Variants in DSCAM observed in about 807,000 individuals in gnomAD.
DSCAM encodes the protein cell adhesion molecule DSCAM.
In DSCAM, 47 loss-of-function variants were observed where a neutral mutation model predicts 217.7. The observed-to-expected ratio is 0.22, with a 90% CI of 0.17 to 0.28. The LOEUF is 0.28. Among genes scored for constraint, DSCAM ranks in the 10% least tolerant of loss-of-function variants. DSCAM has a pLI of 1.00. For missense variants in DSCAM, 2,080 were observed against 2,618.3 expected (o/e 0.79, Z 4.49); for synonymous variants, 1,056 against 1,015.3 (o/e 1.04, Z -0.76).
chr21:40,685,445 G>A lies in DSCAM; in HGVS notation c.508+7365C>T, dbSNP rs144552560. 2.9e-3 allele frequency among the ~76,000 whole-genome samples: 443 copies of A among 152,214 alleles called. 1 individual carries two copies. The highest frequency in any genetic ancestry group is 0.01 in the African/African-American group (418 of 41,532). On this transcript the variant is annotated intron_variant, in intron 3 of 32. Transcript: ENST00000400454. Reference sequence around the variant, plus strand: ...CTTTGGCACATACCAAACATACCAGGGTGCCTACGTGACCTGCCCCCAAAG... The same window carrying A: ...CTTTGGCACATACCAAACATACCAGAGTGCCTACGTGACCTGCCCCCAAAG...
chr21:40,577,337 C>T (rs1262322074), intron 3 of DSCAM, among the ~76,000 whole-genome samples: 1 of 151,656 alleles, frequency 6.6e-6, no homozygotes, highest in Admixed American at 6.6e-5. Flanking sequence ...TACCTGACCC[C>T]GGGGTGAGAA....
rs11088531 is a variant in DSCAM, at chr21:40,818,642, C to T, written c.43+27977G>A. On this transcript the variant is annotated intron_variant, in intron 1 of 32. Transcript: ENST00000400454. ...TGAGCATTTGCTCTTGGAAAGCCAACGTTAACTGAAGGTTTAGAAATCAAT... is the reference window on the plus strand; with the variant it reads ...TGAGCATTTGCTCTTGGAAAGCCAATGTTAACTGAAGGTTTAGAAATCAAT... Among the ~76,000 whole-genome samples, 225 of 143,738 alleles carry T rather than the reference C, an allele frequency of 1.6e-3. 4 individuals carry two copies. The East Asian group carries it at 0.042, about 27-fold the overall frequency. The allele number at this position is 143,738 out of a possible 152,430, so 94.3% of individuals were successfully genotyped here.
At chr21:40,577,915 T>C (rs1304250057) in intron 3 of DSCAM, among the ~76,000 whole-genome samples, 4 of 152,140 alleles carry the variant, frequency 2.6e-5, no homozygotes, top group African/African-American at 9.7e-5. Context: ...CATTCTTGGA[T>C]GTGCTGGGAG....
intron 1 of DSCAM, among the ~76,000 whole-genome samples, chr21:40,825,710 G>C (rs1569055928): frequency 2.0e-5 from 3 of 152,054 alleles, no homozygotes. Context: ...AGTCAACAAA[G>C]ATTTTTTTTT....
intron 3 of DSCAM, among the ~76,000 whole-genome samples, chr21:40,465,566 C>T (rs528986850): frequency 2.7e-4 from 41 of 152,280 alleles, no homozygotes; most frequent in African/African-American, 9.1e-4. Context: ...ATGTCCCACC[C>T]GTGGCGTGCA....
chr21:40,739,706 G>A (rs1033486930), intron 1 of DSCAM, among the ~76,000 whole-genome samples: 1 of 151,984 alleles, frequency 6.6e-6, no homozygotes, highest in Non-Finnish European at 1.5e-5. Flanking sequence ...TTTTTTAAAA[G>A]TACAGTTTGG....
rs770713564 is a variant in DSCAM at position 40,075,255 on chromosome 21, C to A, written c.4712-42G>T. ...GGTGTTAGATGGCTATTAATGAAGA[C>A]GGCATGGCGGAGCTTTTAGGGATGA... is the stretch of plus-strand genomic sequence containing the variant. On this transcript the variant is annotated intron_variant, in intron 26 of 32. Transcript: ENST00000400454. 22 of 1,603,944 alleles carry A rather than the reference C, an allele frequency of 1.4e-5. No individual in the cohort carries two copies. The African/African-American group carries it at 1.7e-4, about 13-fold the overall frequency.
At chr21:40,377,448 C>T (rs2074974635) in intron 3 of DSCAM, among the ~76,000 whole-genome samples, 1 of 151,978 alleles carries the variant, frequency 6.6e-6, no homozygotes, top group Admixed American at 6.5e-5. Flanking sequence ...AAAGGTTCAA[C>T]AGAGCTGGGG....
intron 20 of DSCAM, among the ~76,000 whole-genome samples, chr21:40,106,922 C>A (rs34869212): frequency 0.19 from 28,855 of 151,010 alleles, 3,258 homozygotes; most frequent in East Asian, 0.27. Flanking sequence ...AAAAAACTAG[C>A]TCCTGGATTT....
At chr21:40,526,573 C>A (rs951122143) in intron 3 of DSCAM, among the ~76,000 whole-genome samples, 4 of 151,878 alleles carry the variant, frequency 2.6e-5, no homozygotes, top group African/African-American at 9.7e-5. Flanking sequence ...GTAGGTGAGG[C>A]CGGGGGGTGG....
intron 9 of DSCAM, among the ~76,000 whole-genome samples, chr21:40,307,396 C>G (rs2123478860): frequency 6.6e-6 from 1 of 152,212 alleles, no homozygotes; most frequent in Middle Eastern, 3.4e-3. Context: ...CCATCTCACA[C>G]CAGTTAGAAT....
intron 3 of DSCAM, among the ~76,000 whole-genome samples, chr21:40,658,646 A>C (rs2090101776): frequency 6.6e-6 from 1 of 152,236 alleles, no homozygotes; most frequent in Non-Finnish European, 1.5e-5. Flanking sequence ...ATGAACAAGA[A>C]GACTACGGTC....
chr21:40,466,263 C>G (rs1376792393), intron 3 of DSCAM, among the ~76,000 whole-genome samples: 1 of 152,196 alleles, frequency 6.6e-6, no homozygotes, highest in Non-Finnish European at 1.5e-5. Context: ...TCACTCCTGT[C>G]TAGACCCAAG....
At chr21:40,628,143 G>A (rs1049830089) in intron 3 of DSCAM, among the ~76,000 whole-genome samples, 46 of 152,168 alleles carry the variant, frequency 3.0e-4, no homozygotes, top group African/African-American at 1.1e-3. Context: ...CATAAAATGA[G>A]CAAATATATT....
At chr21:40,494,569 A>C (rs2076102266) in intron 3 of DSCAM, among the ~76,000 whole-genome samples, 2 of 152,192 alleles carry the variant, frequency 1.3e-5, no homozygotes, top group South Asian at 4.1e-4. Flanking sequence ...AGACTAATGA[A>C]AACAGAGACA....
chr21:40,214,279 A>G (rs116431237), intron 11 of DSCAM, among the ~76,000 whole-genome samples: 170 of 152,336 alleles, frequency 1.1e-3, no homozygotes, highest in African/African-American at 3.9e-3. Flanking sequence ...CTGTGTTCTA[A>G]GACATTCTTA....
At chr21:40,705,012 T>C (rs766856084) in intron 2 of DSCAM, among the ~76,000 whole-genome samples, 5 of 152,212 alleles carry the variant, frequency 3.3e-5, no homozygotes, top group Non-Finnish European at 7.3e-5. Context: ...CTGGAAGAAC[T>C]TGATCAGATA....
chr21:40,109,536 G>C (rs2089867364), intron 20 of DSCAM, among the ~76,000 whole-genome samples: 1 of 152,202 alleles, frequency 6.6e-6, no homozygotes, highest in South Asian at 2.1e-4. Flanking sequence ...TGAGGTACCG[G>C]GTTCATCTCA....
intron 3 of DSCAM, among the ~76,000 whole-genome samples, chr21:40,406,814 T>C (rs1450135114): frequency 6.6e-6 from 1 of 152,192 alleles, no homozygotes; most frequent in African/African-American, 2.4e-5. Flanking sequence ...AGACAGGGTT[T>C]CACCGTGTTG....
Sources: allele counts gnomAD v4.1 joint callset (sites outside exome capture counted in the v4.1 genomes callset), GRCh38; gene constraint gnomAD v4.1.1; transcripts MANE v1.5; gene names NCBI Gene and HGNC (gene_info 2026-07-23, HGNC 2026-07-21).